Variants in MYO19 observed in about 807,000 individuals in gnomAD.
MYO19 encodes the protein unconventional myosin-XIX.
A neutral mutation model predicts 129.2 loss-of-function variants in MYO19; 132 were observed. The observed-to-expected ratio is 1.02, with a 90% CI of 0.89 to 1.18. The LOEUF (loss-of-function observed/expected upper bound fraction) is 1.18. Among genes scored for constraint, MYO19 ranks in the 50% most tolerant of loss-of-function variants. The pLI, the probability that MYO19 is intolerant of heterozygous loss-of-function variation, is 0.00. For synonymous variants in MYO19, 531 were observed against 477.2 expected (o/e 1.11, Z -1.47); for missense variants, 1,210 against 1,216.7 (o/e 0.99, Z 0.08).
chr17:36,520,176 A>G (rs1202744942), intron 6 of MYO19, among the ~76,000 whole-genome samples: 1 of 151,992 alleles, frequency 6.6e-6, no homozygotes, highest in Non-Finnish European at 1.5e-5. Context: ...GGATTTCACC[A>G]TGTTACCCAG....
intron 1 of MYO19, among the ~76,000 whole-genome samples, chr17:36,542,489 G>A (rs879375989): frequency 3.3e-5 from 5 of 152,034 alleles, no homozygotes; most frequent in Non-Finnish European, 7.4e-5. Context: ...CAAGAGGTCA[G>A]GAGATCAAGA....
At chr17:36,509,204 C>T in intron 13 of MYO19, 69 bp from the exon 14 acceptor site, 1 of 1,442,678 alleles carries the variant, frequency 6.9e-7, no homozygotes, top group Non-Finnish European at 9.7e-7. Flanking sequence ...AAAATTGCTC[C>T]CCCCATCAGG....
chr17:36,538,368 C>G, upstream of MYO19: 2 of 1,614,124 alleles, frequency 1.2e-6, no homozygotes, highest in Non-Finnish European at 1.7e-6. Context: ...AAATAAAAAG[C>G]ATTCAGAATC....
chr17:36,517,745 C>T (rs1179207560), intron 6 of MYO19, among the ~76,000 whole-genome samples: 1 of 152,100 alleles, frequency 6.6e-6, no homozygotes, highest in African/African-American at 2.4e-5. Context: ...CCCTCACTCC[C>T]AATGTGACTG....
intron 11 of MYO19, 61 bp downstream of exon 11, chr17:36,513,368 T>A (rs750155336): frequency 6.2e-6 from 10 of 1,613,652 alleles, no homozygotes; most frequent in South Asian, 4.4e-5. Flanking sequence ...AGGGAAAAGC[T>A]CTATGCAAAG....
intron 14 of MYO19, chr17:36,508,229 C>T (rs1371674601): frequency 3.9e-6 from 1 of 253,208 alleles, no homozygotes; most frequent in African/African-American, 2.2e-5. Context: ...TTCTGATAGG[C>T]ACCTCCTATG....
At chr17:36,538,113 A>AATC, upstream of MYO19, 1 of 1,614,230 alleles carries the variant, frequency 6.2e-7, no homozygotes, top group Non-Finnish European at 8.5e-7. Context: ...AGACTTGATA[A>AATC]AAGTAGCCTG....
At chr17:36,511,309 G>A in intron 12 of MYO19, 56 bp downstream of exon 12, 1 of 1,530,696 alleles carries the variant, frequency 6.5e-7, no homozygotes. Context: ...CCCAACCCCA[G>A]CAATGCTGGC....
intron 2 of MYO19, among the ~76,000 whole-genome samples, chr17:36,540,642 A>C (rs1468649249): frequency 6.6e-6 from 1 of 152,156 alleles, no homozygotes; most frequent in Non-Finnish European, 1.5e-5. Context: ...AAGTGCTGGG[A>C]TATAGGCATG....
In MYO19 at chr17:36,525,358, T is replaced by C. The variant is rs746941805; in HGVS notation, c.301-17A>G. 1 of 1,556,254 alleles carries C rather than the reference T, an allele frequency of 6.4e-7. No individual in the cohort carries two copies. The highest frequency in any genetic ancestry group is 1.1e-5 in the South Asian group (1 of 89,472). Reference sequence around the variant, plus strand: ...CTTCAGTTTCTGGAACATCAAGGAGTGAAAGGTCATGTGAGGGAATGCCTG... The same window carrying C: ...CTTCAGTTTCTGGAACATCAAGGAGCGAAAGGTCATGTGAGGGAATGCCTG... On this transcript the variant is annotated splice_polypyrimidine_tract_variant and intron_variant, in intron 5 of 25. Transcript: ENST00000614623.
At position 36,507,936 on chromosome 17, in the gene MYO19, G is replaced by A. The variant is rs2072035081; in HGVS notation, c.1232-12C>T. On this transcript the variant is annotated splice_polypyrimidine_tract_variant and intron_variant, in intron 14 of 25. Transcript: ENST00000614623. ...CACATCCAGCAGGCCTGGGAAGATGGCAGAGAACCCATGGGGCCACTGCAG... is the reference window on the plus strand; with the variant it reads ...CACATCCAGCAGGCCTGGGAAGATGACAGAGAACCCATGGGGCCACTGCAG... The A allele has an allele frequency of 6.3e-7, 1 of 1,589,762 alleles. No individual in the cohort carries two copies. Among genetic ancestry groups the A allele is most frequent in the Admixed American group, 1.7e-5 (1 of 57,548 alleles).
chr17:36,502,118 G>A (rs2071573412), intron 21 of MYO19, among the ~76,000 whole-genome samples: 2 of 152,196 alleles, frequency 1.3e-5, no homozygotes, highest in Non-Finnish European at 1.5e-5. Context: ...GGGTGGGAGG[G>A]GCAGAGGTGC....
chr17:36,522,867 G>A (rs1236941170), intron 6 of MYO19, among the ~76,000 whole-genome samples: 11 of 151,986 alleles, frequency 7.2e-5, no homozygotes, highest in Admixed American at 3.9e-4. Flanking sequence ...TTAGCCAGGC[G>A]TAGTGGCGGG....
chr17:36,541,357 T>C (rs145823093), intron 2 of MYO19, among the ~76,000 whole-genome samples: 102 of 152,374 alleles, frequency 6.7e-4, no homozygotes, highest in Middle Eastern at 3.4e-3. Flanking sequence ...AAATGTCCAA[T>C]GTATTTATAT....
At position 36,515,930 on chromosome 17, in the gene MYO19, A is replaced by G. The variant is rs1409618534; in HGVS notation, c.475T>C (p.Trp159Arg). ...CTCTCTGCAATCTTGTGGCTCTCCCAAGATGCAGGTGAGGTGGCCACCACA... is the reference window on the plus strand; with the variant it reads ...CTCTCTGCAATCTTGTGGCTCTCCCGAGATGCAGGTGAGGTGGCCACCACA... ...YAVVATSPAS[W>R]ESHKIAERIE... The change falls in exon 7 of 26, where the codon TGG (tryptophan) becomes CGG (arginine). Residue 159 changes from tryptophan (W) to arginine (R), a missense_variant. Coordinates refer to ENST00000614623, the MANE Select transcript of MYO19 (RefSeq NM_001163735.2). 6.2e-7 allele frequency: 1 copy of G among 1,613,878 alleles called. No homozygotes were observed. The highest frequency in any genetic ancestry group is 1.7e-5 in the Admixed American group (1 of 60,018).
chr17:36,515,191 C>G lies in MYO19; in HGVS notation c.548-9G>C, dbSNP rs369948396. ...CAGTGTACACGCATTCCCTACAGAT[C>G]ACACCTATGTTTATTTCACTCCCCT... On this transcript the variant is annotated splice_polypyrimidine_tract_variant and intron_variant, in intron 7 of 25. Transcript: ENST00000614623. 4.8e-5 allele frequency: 78 copies of G among 1,611,572 alleles called. No homozygotes were observed. Among genetic ancestry groups the G allele is most frequent in the Non-Finnish European group, 6.3e-5 (74 of 1,178,828 alleles).
chr17:36,513,226 A>C (rs1473275662), intron 11 of MYO19: 2 of 1,448,540 alleles, frequency 1.4e-6, no homozygotes, highest in African/African-American at 2.9e-5. Context: ...TGTATGCATC[A>C]CTCTTCCTTA....
chr17:36,503,359 G>A (rs1467583110), intron 20 of MYO19, among the ~76,000 whole-genome samples, 159 bp from the exon 21 acceptor site: 2 of 152,170 alleles, frequency 1.3e-5, no homozygotes, highest in Non-Finnish European at 2.9e-5. Flanking sequence ...TGGTTTTGAA[G>A]CGATTTCTAG....
chr17:36,516,897 A>G (rs753232131), intron 6 of MYO19, among the ~76,000 whole-genome samples: 1 of 152,132 alleles, frequency 6.6e-6, no homozygotes, highest in Non-Finnish European at 1.5e-5. Flanking sequence ...AGATATTTCT[A>G]TCTTCTGAAA....
Sources: gnomAD v4.1 joint callset for allele counts (sites outside exome capture counted in the v4.1 genomes callset) on GRCh38, gnomAD v4.1.1 for gene constraint, MANE v1.5 for transcripts, NCBI Gene and HGNC (gene_info 2026-07-23, HGNC 2026-07-21) for gene names.